ZC3H4: variants seen among roughly 807,000 people sequenced by gnomAD.
ZC3H4 encodes zinc finger CCCH-type containing 4.
ZC3H4 carries 13 observed loss-of-function variants against 108.3 expected under a neutral mutation model. The ratio of observed to expected loss-of-function variants is 0.12; its 90% CI spans 0.08 to 0.19. The LOEUF is 0.19. Ranked by LOEUF, ZC3H4 falls within the 10% of genes least tolerant of loss-of-function variation. The pLI, the probability that ZC3H4 is intolerant of heterozygous loss-of-function variation, is 1.00. For missense variants in ZC3H4, 1,734 were observed against 1,838.8 expected (o/e 0.94, Z 1.04); for synonymous variants, 917 against 749.6 (o/e 1.22, Z -3.65).
chr19:47,102,334 A>C (rs916822674), intron 2 of ZC3H4, among the ~76,000 whole-genome samples: 3 of 152,246 alleles, frequency 2.0e-5, no homozygotes, highest in African/African-American at 7.2e-5. Flanking sequence ...CAAAAAGAGT[A>C]ATTTGCTAAA....
At chr19:47,077,577 G>A (rs1257899961) in intron 11 of ZC3H4, among the ~76,000 whole-genome samples, 1 of 152,110 alleles carries the variant, frequency 6.6e-6, no homozygotes, top group African/African-American at 2.4e-5. Context: ...TTCTCAGCTA[G>A]GCATGGTGGC....
chr19:47,072,522 C>CG lies in ZC3H4; in HGVS notation c.1631dup (p.Pro545AlafsTer19). On this transcript the variant is annotated frameshift_variant, in exon 12 of 15. Coordinates refer to ENST00000253048, the MANE Select transcript of ZC3H4 (RefSeq NM_015168.2). LOFTEE classifies it high-confidence loss of function. The surrounding 1 kb of genome is among the most constrained non-coding windows in gnomAD (Gnocchi z 5.6). ...CGGGCGGTGGGGGAGGGGGAGGGGG[C>CG]GGGGGCGGGGGGCCACCCTGCATGG... 5.2e-6 allele frequency: 1 copy of CG among 193,232 alleles called. No homozygotes were observed. Among genetic ancestry groups the CG allele is most frequent in the Non-Finnish European group, 6.6e-6 (1 of 151,404 alleles). 12.0% of individuals were successfully genotyped at this position (193,232 alleles called of 1,614,324 possible). A position where few individuals can be genotyped will look rare whatever the true frequency, so the allele number is the denominator to read the frequency against.
chr19:47,094,854 G>A (rs868301916), intron 2 of ZC3H4, among the ~76,000 whole-genome samples: 49 of 152,170 alleles, frequency 3.2e-4, no homozygotes, highest in African/African-American at 1.1e-3. Context: ...CACTAACACC[G>A]GGACACATCT....
chr19:47,085,379 G>C lies in ZC3H4; in HGVS notation c.906C>G (p.Asp302Glu), dbSNP rs373292156. The part of the protein sequence containing the change: ...GESEEPMGDD[D>E]YDEYSKELNQ... ...TCAGCTCCTTGGAGTACTCGTCATA[G>C]TCGTCGTCTCCCATTGGCTCCTCAC... is the stretch of plus-strand genomic sequence containing the variant. Residue 302 changes from aspartate (D) to glutamate (E), a missense_variant, in exon 7 of 15, where the codon GAC (aspartate) becomes GAG (glutamate). Asp to Glu is a conservative substitution (Grantham distance 45). Coordinates refer to ENST00000253048, the MANE Select transcript of ZC3H4 (RefSeq NM_015168.2). The C allele has an allele frequency of 1.2e-6, 2 of 1,601,666 alleles. No homozygotes were observed. Among genetic ancestry groups the C allele is most frequent in the Non-Finnish European group, 1.7e-6 (2 of 1,174,116 alleles).
At chr19:47,112,266 G>T in intron 2 of ZC3H4, 158 bp downstream of exon 2, 1 of 1,135,262 alleles carries the variant, frequency 8.8e-7, no homozygotes, top group South Asian at 4.4e-5. Context: ...AAGAGCGAGC[G>T]AGCAAGCGAT....
In ZC3H4 at chr19:47,065,019, A is replaced by T. The variant is rs2057175370; in HGVS notation, c.*1337T>A. 1 of 152,286 alleles carries T rather than the reference A, an allele frequency of 6.6e-6. No homozygotes were observed. Among genetic ancestry groups the T allele is most frequent in the South Asian group, 2.1e-4 (1 of 4,824 alleles). 9.4% of individuals were successfully genotyped at this position (152,286 alleles called of 1,614,324 possible). A position where few individuals can be genotyped will look rare whatever the true frequency, so the allele number is the denominator to read the frequency against. On this transcript the variant is annotated 3_prime_UTR_variant, in exon 15 of 15. Transcript: ENST00000253048. ...CGGGCAGATGCAGCCACAAGCACAC[A>T]CTTCCTGAGGCCCCTCAAGTGGCCC...
At chr19:47,098,271 C>G (rs753201502) in intron 2 of ZC3H4, among the ~76,000 whole-genome samples, 1 of 152,188 alleles carries the variant, frequency 6.6e-6, no homozygotes, top group Non-Finnish European at 1.5e-5. Context: ...AGGCAGATCA[C>G]TTGAGGTCAG....
chr19:47,066,589 C>A lies in ZC3H4; in HGVS notation c.3679G>T (p.Ala1227Ser). 1 of 1,597,908 alleles carries A rather than the reference C, an allele frequency of 6.3e-7. No homozygotes were observed. The highest frequency in any genetic ancestry group is 8.5e-7 in the Non-Finnish European group (1 of 1,171,600). ...GTGGCGGTGGTGGCAGCGGGGGCTG[C>A]AGCAGCCTTGGGCCGGGGCCGGTTG... ...SYNRPRPKAAAAPAATTATPP... is the reference protein window; with the variant it reads ...SYNRPRPKAASAPAATTATPP... Residue 1227 changes from alanine to serine, a missense_variant, in exon 15 of 15, where the codon GCA becomes TCA. Ala to Ser is a moderately conservative substitution (Grantham distance 99). Coordinates refer to ENST00000253048, the MANE Select transcript of ZC3H4 (RefSeq NM_015168.2).
intron 8 of ZC3H4, 109 bp downstream of exon 8, chr19:47,084,947 G>C: frequency 6.8e-7 from 1 of 1,462,442 alleles, no homozygotes; most frequent in Non-Finnish European, 9.4e-7. Context: ...GCCCTTTGGG[G>C]GGTGGCTGAT....
At chr19:47,071,590 G>C (rs1253972736) in intron 13 of ZC3H4, among the ~76,000 whole-genome samples, 188 bp downstream of exon 13, 1 of 152,082 alleles carries the variant, frequency 6.6e-6, no homozygotes, top group Non-Finnish European at 1.5e-5. Flanking sequence ...GTAATACACA[G>C]AATACTCCTT....
At chr19:47,090,509 G>A (rs1156826188) in intron 4 of ZC3H4, among the ~76,000 whole-genome samples, 3 of 152,182 alleles carry the variant, frequency 2.0e-5, no homozygotes, top group Non-Finnish European at 4.4e-5. Context: ...GCACGTGGAG[G>A]GGCCTGGGAA....
chr19:47,073,566 C>T (rs2057366095), intron 11 of ZC3H4, among the ~76,000 whole-genome samples: 2 of 152,130 alleles, frequency 1.3e-5, no homozygotes, highest in African/African-American at 2.4e-5. Context: ...AGCCAGACTC[C>T]ATCTCAAAAA....
rs779180071 is a variant in ZC3H4 at position 47,067,799 on chromosome 19, G to T, written c.2469C>A (p.Thr823=). The T allele has an allele frequency of 3.0e-5, 48 of 1,609,450 alleles. No homozygotes were observed. Among genetic ancestry groups the T allele is most frequent in the Non-Finnish European group, 3.8e-5 (45 of 1,178,554 alleles). The change falls in exon 15 of 15, where the codon ACC becomes ACA. Residue 823 remains threonine, a synonymous_variant. Transcript: ENST00000253048. This position sits in a 1 kb window ranked among gnomAD's most constrained non-coding sequence, Gnocchi z 6.4. The part of the protein sequence containing the change: ...GGSSVTSILK[T]LRQQTSSRPP... Reference sequence around the variant, plus strand: ...GTCGGCTGGACGTCTGCTGCCTCAAGGTCTTCAGGATGGAGGTGACACTGC... The same window carrying T: ...GTCGGCTGGACGTCTGCTGCCTCAATGTCTTCAGGATGGAGGTGACACTGC...
chr19:47,072,283 C>T lies in ZC3H4; in HGVS notation c.1802+69G>A. On this transcript the variant is annotated intron_variant, in intron 12 of 14. Transcript: ENST00000253048. This position sits in a 1 kb window ranked among gnomAD's most constrained non-coding sequence, Gnocchi z 5.6. The stretch of plus-strand genomic sequence containing the variant: ...GGACTCTCCCACAGCCAGGCTTGCC[C>T]TAACAAGAGGAGCCTGGCTGGGCCC... 6.6e-7 allele frequency: 1 copy of T among 1,525,758 alleles called. No individual in the cohort carries two copies. Among genetic ancestry groups the T allele is most frequent in the Non-Finnish European group, 8.9e-7 (1 of 1,123,788 alleles). 94.5% of individuals were successfully genotyped at this position (1,525,758 alleles called of 1,614,324 possible).
chr19:47,073,076 C>A (rs2057358911), intron 11 of ZC3H4, among the ~76,000 whole-genome samples: 1 of 152,132 alleles, frequency 6.6e-6, no homozygotes, highest in African/African-American at 2.4e-5. Flanking sequence ...AGTTCAAGAC[C>A]AGTCTGGCCA....
At chr19:47,103,418 G>C (rs117182233) in intron 2 of ZC3H4, among the ~76,000 whole-genome samples, 1 of 152,018 alleles carries the variant, frequency 6.6e-6, no homozygotes. Context: ...ATCTTCCCAC[G>C]TCAGCCTCCC....
rs764391391 is a variant in ZC3H4, at chr19:47,067,457, C to A, written c.2811G>T (p.Val937=). 8.8e-6 allele frequency: 14 copies of A among 1,590,018 alleles called. No individual in the cohort carries two copies. Among genetic ancestry groups the A allele is most frequent in the Non-Finnish European group, 1.2e-5 (14 of 1,167,190 alleles). The change falls in exon 15 of 15, where the codon GTG becomes GTT. Residue 937 remains valine (V), a synonymous_variant. Transcript: ENST00000253048. This position sits in a 1 kb window ranked among gnomAD's most constrained non-coding sequence, Gnocchi z 6.4. ...EGERALREKA[V]NIPLDPLPGH... ...CGGGGAGTGGGTCCAGGGGAATGTT[C>A]ACGGCCTTCTCCCGCAGGGCCCGCT...
chr19:47,085,813 G>A (rs1470469830), intron 6 of ZC3H4, among the ~76,000 whole-genome samples: 2 of 152,190 alleles, frequency 1.3e-5, no homozygotes, highest in Non-Finnish European at 2.9e-5. Flanking sequence ...AGGACTTTCA[G>A]GAAACTTCTC....
chr19:47,088,238 G>A (rs186109467), intron 5 of ZC3H4, among the ~76,000 whole-genome samples: 2 of 151,112 alleles, frequency 1.3e-5, no homozygotes, highest in Non-Finnish European at 3.0e-5. Flanking sequence ...TTACTTGCGG[G>A]AGTAAGGCAC....
Sources: allele counts gnomAD v4.1 joint callset (sites outside exome capture counted in the v4.1 genomes callset), GRCh38; gene constraint gnomAD v4.1.1; non-coding constraint Gnocchi (gnomAD v3.1); transcripts MANE v1.5; gene names NCBI Gene and HGNC (gene_info 2026-07-23, HGNC 2026-07-21).